Variants in CDH23 observed in about 807,000 individuals in gnomAD.
CDH23 encodes cadherin related 23, also known as cadherin-23.
CDH23 carries 189 observed loss-of-function variants against 317.1 expected under a neutral mutation model. That is an observed-to-expected ratio of 0.60 (90% CI 0.53 to 0.67). The LOEUF (loss-of-function observed/expected upper bound fraction) is 0.67. CDH23 is among the 30% of genes least tolerant of loss of function. The pLI is 0.00. For missense variants in CDH23, 4,401 were observed against 4,592.4 expected, an observed-to-expected ratio of 0.96 and a Z score of 1.20; for synonymous variants, 1,839 against 1,876.8, an observed-to-expected ratio of 0.98 and a Z score of 0.52.
chr10:71,680,860 A>C (rs1384240719), intron 17 of CDH23, among the ~76,000 whole-genome samples: 24 of 31,646 alleles, frequency 7.6e-4, no homozygotes, highest in African/African-American at 2.7e-3. Flanking sequence ...ACAGAGTTTT[A>C]CTCTGTCACC....
At chr10:71,767,746 G>A (rs1459005168) in intron 38 of CDH23, among the ~76,000 whole-genome samples, 1 of 152,242 alleles carries the variant, frequency 6.6e-6, no homozygotes, top group Non-Finnish European at 1.5e-5. Context: ...TGAGGACAAA[G>A]GGCATCTCAG....
At chr10:71,579,282 T>C (rs1696134707) in intron 9 of CDH23, among the ~76,000 whole-genome samples, 1 of 152,038 alleles carries the variant, frequency 6.6e-6, no homozygotes, top group South Asian at 2.1e-4. Context: ...GACATGACTA[T>C]TGTTGCACCT....
chr10:71,399,990 G>A (rs897691812), intron 1 of CDH23, among the ~76,000 whole-genome samples: 2 of 152,068 alleles, frequency 1.3e-5, no homozygotes, highest in African/African-American at 2.4e-5. Context: ...ACCTCTCAGC[G>A]GCCTTAGGAC....
intron 11 of CDH23, among the ~76,000 whole-genome samples, chr10:71,623,584 G>C (rs1465636780): frequency 6.6e-6 from 1 of 152,194 alleles, no homozygotes; most frequent in Non-Finnish European, 1.5e-5. Flanking sequence ...AATGTGCAGG[G>C]TGGAAGCAGT....
At chr10:71,754,311 A>C (rs1027291950) in intron 38 of CDH23, among the ~76,000 whole-genome samples, 1 of 150,082 alleles carries the variant, frequency 6.7e-6, no homozygotes, top group Admixed American at 6.6e-5. Context: ...CGAGTGACCC[A>C]CTATGGGGCT....
chr10:71,702,274 G>A, intron 23 of CDH23, 63 bp downstream of exon 23: 1 of 1,542,504 alleles, frequency 6.5e-7, no homozygotes, highest in East Asian at 2.3e-5. Flanking sequence ...CCTGGTGACT[G>A]GGCCTCTGGG....
intron 28 of CDH23, chr10:71,717,563 A>G (rs943196035): frequency 2.6e-5 from 4 of 152,406 alleles, no homozygotes; most frequent in African/African-American, 9.6e-5. Flanking sequence ...TTTTGGCTCA[A>G]TATGTCTGGG....
At chr10:71,782,187 G>C (rs1009949253) in intron 41 of CDH23, among the ~76,000 whole-genome samples, 1 of 152,220 alleles carries the variant, frequency 6.6e-6, no homozygotes, top group Non-Finnish European at 1.5e-5. Context: ...CTGGGAGACA[G>C]GCCACATGCA....
At chr10:71,593,533 G>A (rs1366038564) in intron 9 of CDH23, among the ~76,000 whole-genome samples, 3 of 152,130 alleles carry the variant, frequency 2.0e-5, no homozygotes, top group South Asian at 2.1e-4. Context: ...AATGATATAT[G>A]GGGAAATTTT....
intron 6 of CDH23, among the ~76,000 whole-genome samples, chr10:71,547,343 C>T (rs950838062): frequency 2.0e-5 from 3 of 152,192 alleles, no homozygotes; most frequent in Non-Finnish European, 1.5e-5. Flanking sequence ...GCACAGGCAG[C>T]GGCTGGAGGC....
At chr10:71,759,820 T>TATACACACAC (rs1554868422) in intron 38 of CDH23, among the ~76,000 whole-genome samples, 2 of 85,276 alleles carry the variant, frequency 2.3e-5, no homozygotes, top group African/African-American at 8.2e-5. Context: ...TCAGAAAATA[T>TATACACACAC]ACACACACAC....
At chr10:71,670,411 A>C (rs998387238) in intron 14 of CDH23, among the ~76,000 whole-genome samples, 1 of 152,222 alleles carries the variant, frequency 6.6e-6, no homozygotes, top group South Asian at 2.1e-4. Context: ...TCTCCTTCAC[A>C]GGGAGGAAAG....
rs778092747 is a variant in CDH23, at chr10:71,798,394, G to A, written c.6870G>A (p.Thr2290=). ...TVNVLDVNDN[T]PQFKPFGITY... ...ACGTCCTGGACGTCAATGACAATACGCCCCAGTTCAAGCCCTTTGGGATCA... is the reference window on the plus strand; with the variant it reads ...ACGTCCTGGACGTCAATGACAATACACCCCAGTTCAAGCCCTTTGGGATCA... Residue 2290 remains threonine (T), a synonymous_variant, in exon 50 of 70, where the codon ACG becomes ACA. Coordinates refer to ENST00000224721, the MANE Select transcript of CDH23 (RefSeq NM_022124.6). 2.4e-5 allele frequency: 39 copies of A among 1,613,808 alleles called. No individual in the cohort carries two copies. The highest frequency in any genetic ancestry group is 8.9e-5 in the East Asian group (4 of 44,882).
At chr10:71,769,954 C>A (rs1312335976) in intron 38 of CDH23, among the ~76,000 whole-genome samples, 2 of 152,168 alleles carry the variant, frequency 1.3e-5, no homozygotes, top group Non-Finnish European at 2.9e-5. Flanking sequence ...ATGTCCCCAT[C>A]TCCTGACAAC....
chr10:71,763,797 T>C (rs1432158828), intron 38 of CDH23, among the ~76,000 whole-genome samples: 1 of 152,192 alleles, frequency 6.6e-6, no homozygotes, highest in Non-Finnish European at 1.5e-5. Context: ...ATTCAGCAAG[T>C]CAAGAAGTGC....
intron 38 of CDH23, among the ~76,000 whole-genome samples, chr10:71,765,314 G>A (rs1022207245): frequency 6.6e-6 from 1 of 152,248 alleles, no homozygotes; most frequent in African/African-American, 2.4e-5. Context: ...CATACCTTGG[G>A]GGCTGGCCAA....
chr10:71,797,025 T>G, intron 48 of CDH23, 79 bp from the exon 49 acceptor site: 1 of 855,674 alleles, frequency 1.2e-6, no homozygotes, highest in Non-Finnish European at 1.9e-6. Context: ...ATTGGGAGGG[T>G]TTGGCCAGGA....
At chr10:71,605,340 G>A (rs1350834335) in intron 9 of CDH23, among the ~76,000 whole-genome samples, 3 of 152,022 alleles carry the variant, frequency 2.0e-5, no homozygotes, top group Non-Finnish European at 4.4e-5. Flanking sequence ...TCATTGGGGC[G>A]ATTGTGCCTC....
chr10:71,592,038 G>A (rs531703484), intron 9 of CDH23, among the ~76,000 whole-genome samples: 61 of 152,254 alleles, frequency 4.0e-4, no homozygotes, highest in African/African-American at 1.5e-3. Context: ...ACTGCAGAAA[G>A]GGAAAGATGA....
Sources: allele counts gnomAD v4.1 joint callset (sites outside exome capture counted in the v4.1 genomes callset), GRCh38; gene constraint gnomAD v4.1.1; transcripts MANE v1.5; gene names NCBI Gene and HGNC (gene_info 2026-07-23, HGNC 2026-07-21).